Variants in MAGI3 observed in about 807,000 individuals in gnomAD.
MAGI3 encodes the protein membrane associated guanylate kinase, WW and PDZ domain containing 3.
MAGI3 carries 43 observed loss-of-function variants against 121.8 expected under a neutral mutation model. That is an observed-to-expected ratio of 0.35 (90% CI 0.28 to 0.46). The LOEUF is 0.46. MAGI3 is among the 20% of genes least tolerant of loss of function. The pLI, the probability that MAGI3 is intolerant of heterozygous loss-of-function variation, is 1.00. For missense variants in MAGI3, 1,547 were observed against 1,797.3 expected (o/e 0.86, Z 2.52); for synonymous variants, 553 against 639.3 (o/e 0.86, Z 2.04).
At chr1:113,533,857 G>A (rs1487651405) in intron 1 of MAGI3, among the ~76,000 whole-genome samples, 1 of 148,736 alleles carries the variant, frequency 6.7e-6, no homozygotes, top group Admixed American at 6.7e-5. Flanking sequence ...TTATGATGCT[G>A]TTGTTTTTAC....
At chr1:113,607,917 G>A (rs1008435953) in intron 6 of MAGI3, among the ~76,000 whole-genome samples, 11 of 151,690 alleles carry the variant, frequency 7.3e-5, no homozygotes, top group South Asian at 2.1e-4. Flanking sequence ...CATATTTTTC[G>A]TCTTTGCCAT....
chr1:113,632,665 TG>T (rs1478491088), intron 9 of MAGI3, among the ~76,000 whole-genome samples: 1 of 152,234 alleles, frequency 6.6e-6, no homozygotes, highest in Admixed American at 6.5e-5. Context: ...TAAGCTGCCT[TG>T]TCAGTGTCTT....
chr1:113,517,483 A>T (rs1347341711), intron 1 of MAGI3, among the ~76,000 whole-genome samples: 3 of 152,050 alleles, frequency 2.0e-5, no homozygotes, highest in Non-Finnish European at 4.4e-5. Context: ...GAGAAATAAC[A>T]TTAATGGAAA....
intron 1 of MAGI3, among the ~76,000 whole-genome samples, chr1:113,489,205 C>T (rs1032322867): frequency 6.8e-6 from 1 of 146,898 alleles, no homozygotes; most frequent in Non-Finnish European, 1.5e-5. Context: ...TTTCTAACCT[C>T]GAGGAGCCAG....
In MAGI3 at chr1:113,651,093, T is replaced by C. The variant is rs1386699998; in HGVS notation, c.2327T>C (p.Ile776Thr). 3 of 1,614,064 alleles carry C rather than the reference T, an allele frequency of 1.9e-6. No homozygotes were observed. Among genetic ancestry groups the C allele is most frequent in the Non-Finnish European group, 2.5e-6 (3 of 1,180,034 alleles). Residue 776 changes from isoleucine (I) to threonine (T), a missense_variant, in exon 14 of 21, where the codon ATT (isoleucine) becomes ACT (threonine). Transcript: ENST00000307546. ...CGCGCAGCTGATGAACTAATGTGCA[T>C]TGATGGAATTCCTGTTAAAGGGAAA... ...RLRAADELMCIDGIPVKGKSH... is the reference protein window; with the variant it reads ...RLRAADELMCTDGIPVKGKSH...
Position 113,683,431 on chromosome 1 carries a change from G to T in MAGI3, c.3863G>T (p.Ser1288Ile). 6.2e-7 allele frequency: 1 copy of T among 1,613,986 alleles called. No homozygotes were observed. The highest frequency in any genetic ancestry group is 8.5e-7 in the Non-Finnish European group (1 of 1,179,888). Residue 1288 changes from serine (S) to isoleucine (I), a missense_variant, in exon 21 of 21, where the codon AGC becomes ATC. Transcript: ENST00000307546. ...AGAAAAAGCAGAGGTCGGTCGGCCA[G>T]CCCAAAAAAGCAGCAAAAAATTGAA... Reference protein sequence around the residue: ...QCRKSRGRSASPKKQQKIEGS... With the variant: ...QCRKSRGRSAIPKKQQKIEGS...
intron 6 of MAGI3, among the ~76,000 whole-genome samples, chr1:113,614,300 CA>C (rs1650328708): frequency 6.6e-6 from 1 of 152,146 alleles, no homozygotes; most frequent in Non-Finnish European, 1.5e-5. Flanking sequence ...TCAGCATGAT[CA>C]AGGTTTTTAA....
chr1:113,587,531 A>G (rs368149771), intron 4 of MAGI3, among the ~76,000 whole-genome samples: 133 of 152,328 alleles, frequency 8.7e-4, no homozygotes, highest in African/African-American at 3.0e-3. Flanking sequence ...TTGAAAAATC[A>G]GAAAATTGTT....
rs147345472 is a variant in MAGI3, at chr1:113,554,573, C to T, written c.433+4942C>T. The stretch of plus-strand genomic sequence containing the variant: ...TTGTAATAAAGAACTGGAAATTGGA[C>T]GAGGAATATGTAACAGCTGTTTTCA... On this transcript the variant is annotated intron_variant, in intron 2 of 20. Transcript: ENST00000307546. 9.8e-3 allele frequency among the ~76,000 whole-genome samples: 1,469 copies of T among 150,564 alleles called. 15 individuals are homozygous for T. The highest frequency in any genetic ancestry group is 0.017 in the Middle Eastern group (5 of 290).
chr1:113,610,868 A>G (rs1331896813), intron 6 of MAGI3, among the ~76,000 whole-genome samples: 1 of 151,902 alleles, frequency 6.6e-6, no homozygotes, highest in Non-Finnish European at 1.5e-5. Flanking sequence ...GGGGAGGCGG[A>G]GGTTGCAGTG....
chr1:113,480,567 GTCAT>G (rs1656061900), intron 1 of MAGI3, among the ~76,000 whole-genome samples: 9 of 152,166 alleles, frequency 5.9e-5, no homozygotes, highest in Admixed American at 5.9e-4. Flanking sequence ...CTGTGGTGAA[GTCAT>G]GTGCTCACGT....
chr1:113,649,927 C>A (rs1331443945), intron 13 of MAGI3, among the ~76,000 whole-genome samples: 1 of 152,144 alleles, frequency 6.6e-6, no homozygotes, highest in Non-Finnish European at 1.5e-5. Flanking sequence ...CTCACATAAA[C>A]TTGTTTTAGA....
chr1:113,447,815 A>G (rs1654256688), intron 1 of MAGI3, among the ~76,000 whole-genome samples: 1 of 152,074 alleles, frequency 6.6e-6, no homozygotes, highest in African/African-American at 2.4e-5. Context: ...AGATCACGCC[A>G]CTGCACTCCA....
intron 3 of MAGI3, among the ~76,000 whole-genome samples, chr1:113,584,365 T>G (rs1570901231): frequency 6.6e-6 from 1 of 152,314 alleles, no homozygotes; most frequent in Admixed American, 6.5e-5. Flanking sequence ...TTGTTTTCAT[T>G]CTTTTCTGGA....
At chr1:113,437,876 T>TTCTTCCTCTTCCTCTTCC (rs1653688447) in intron 1 of MAGI3, among the ~76,000 whole-genome samples, 1 of 3,276 alleles carries the variant, frequency 3.1e-4, no homozygotes, top group East Asian at 0.023. Context: ...CTTCTTCTTC[T>TTCTTCCTCTTCCTCTTCC]TCTCCTTCTC....
intron 1 of MAGI3, among the ~76,000 whole-genome samples, chr1:113,535,533 A>T (rs905603002): frequency 1.3e-5 from 2 of 152,228 alleles, no homozygotes; most frequent in South Asian, 2.1e-4. Flanking sequence ...ATTATTAATG[A>T]TGTACTCATC....
At chr1:113,437,064 T>G (rs1260305698) in intron 1 of MAGI3, among the ~76,000 whole-genome samples, 1 of 152,134 alleles carries the variant, frequency 6.6e-6, no homozygotes, top group East Asian at 1.9e-4. Context: ...TCCGCCTGCC[T>G]TGGCCTCCCA....
chr1:113,470,944 T>C (rs1655510291), intron 1 of MAGI3, among the ~76,000 whole-genome samples: 1 of 152,226 alleles, frequency 6.6e-6, no homozygotes, highest in Non-Finnish European at 1.5e-5. Flanking sequence ...TGTTCATTTT[T>C]GCTTTTGTTG....
At chr1:113,471,602 G>A (rs1158503638) in intron 1 of MAGI3, among the ~76,000 whole-genome samples, 2 of 151,952 alleles carry the variant, frequency 1.3e-5, no homozygotes, top group East Asian at 3.9e-4. Flanking sequence ...AATGATAAAA[G>A]TATAATATAG....
Sources: allele counts gnomAD v4.1 joint callset (sites outside exome capture counted in the v4.1 genomes callset), GRCh38; gene constraint gnomAD v4.1.1; transcripts MANE v1.5; gene names NCBI Gene and HGNC (gene_info 2026-07-23, HGNC 2026-07-21).